Variants in MINPP1 observed in about 807,000 individuals in gnomAD.
MINPP1 encodes the protein multiple inositol-polyphosphate phosphatase 1.
MINPP1 carries 28 observed loss-of-function variants against 46.1 expected under a neutral mutation model. The ratio of observed to expected loss-of-function variants is 0.61; its 90% CI spans 0.45 to 0.83. The LOEUF (loss-of-function observed/expected upper bound fraction) is 0.83, where lower values mean the gene tolerates loss of function less well. Among genes scored for constraint, MINPP1 ranks in the 40% least tolerant of loss-of-function variants. The probability of loss-of-function intolerance (pLI) is 0.00; values close to 1 mark genes in which losing one functional copy is unlikely to be tolerated. For missense variants in MINPP1, 603 were observed against 610.0 expected (o/e 0.99, Z 0.12); for synonymous variants, 268 against 249.1 (o/e 1.08, Z -0.72).
intron 4 of MINPP1, among the ~76,000 whole-genome samples, chr10:87,541,954 A>G (rs1554853781): frequency 6.6e-6 from 1 of 152,158 alleles, no homozygotes; most frequent in Non-Finnish European, 1.5e-5. Context: ...GGAGGGGACA[A>G]ACATCCAAAC....
intron 4 of MINPP1, among the ~76,000 whole-genome samples, chr10:87,528,355 A>T (rs1851608412): frequency 6.6e-6 from 1 of 152,134 alleles, no homozygotes; most frequent in South Asian, 2.1e-4. Flanking sequence ...TAGTGCTATA[A>T]ATTTCCCTGT....
At position 87,505,709 on chromosome 10, in the gene MINPP1, G is replaced by C. The variant is rs908909244; in HGVS notation, c.637+157G>C. Among the ~76,000 whole-genome samples, 2 of 152,174 alleles carry C rather than the reference G, an allele frequency of 1.3e-5. No individual in the cohort carries two copies. Among genetic ancestry groups the C allele is most frequent in the African/African-American group, 4.8e-5 (2 of 41,440 alleles). ...TCGGGCTACGTCCTCCCTGTCGAGGGATATTACAGACTTGGCTATCTCTTT... is the reference window on the plus strand; with the variant it reads ...TCGGGCTACGTCCTCCCTGTCGAGGCATATTACAGACTTGGCTATCTCTTT... On this transcript the variant is annotated intron_variant, in intron 1 of 4. Coordinates refer to ENST00000371996, the MANE Select transcript of MINPP1 (RefSeq NM_004897.5). The surrounding 1 kb of genome is among the most constrained non-coding windows in gnomAD (Gnocchi z 4.4).
At chr10:87,538,758 T>C (rs1851773311) in intron 4 of MINPP1, among the ~76,000 whole-genome samples, 2 of 152,248 alleles carry the variant, frequency 1.3e-5, no homozygotes, top group African/African-American at 4.8e-5. Flanking sequence ...ATGGGAATTA[T>C]ATGAGTTGTG....
intron 1 of MINPP1, 52 bp from the exon 2 acceptor site, chr10:87,508,284 T>C (rs779031027): frequency 4.4e-6 from 7 of 1,599,108 alleles, no homozygotes; most frequent in Non-Finnish European, 6.0e-6. Flanking sequence ...AATTTGAAAC[T>C]GTCATTTATG....
chr10:87,518,573 A>G (rs1289598639), intron 3 of MINPP1, among the ~76,000 whole-genome samples: 2 of 151,836 alleles, frequency 1.3e-5, no homozygotes, highest in African/African-American at 2.4e-5. Context: ...CAAGCAGGAG[A>G]CACCAGCTGG....
At chr10:87,535,513 A>G (rs1851721198) in intron 4 of MINPP1, among the ~76,000 whole-genome samples, 1 of 152,226 alleles carries the variant, frequency 6.6e-6, no homozygotes, top group African/African-American at 2.4e-5. Flanking sequence ...GGGAATGAAA[A>G]TGTAAAATGC....
chr10:87,511,798 G>A (rs1470724212), intron 2 of MINPP1, among the ~76,000 whole-genome samples: 1 of 152,002 alleles, frequency 6.6e-6, no homozygotes, highest in African/African-American at 2.4e-5. Flanking sequence ...TTAGAGCTTC[G>A]AGTGTAAATA....
chr10:87,508,295 T>C (rs1851283861), intron 1 of MINPP1, 41 bp from the exon 2 acceptor site: 2 of 1,601,220 alleles, frequency 1.2e-6, no homozygotes, highest in East Asian at 4.5e-5. Flanking sequence ...GTCATTTATG[T>C]CAGTGATTTA....
chr10:87,527,633 A>G (rs538788084), intron 4 of MINPP1, among the ~76,000 whole-genome samples: 2 of 151,822 alleles, frequency 1.3e-5, no homozygotes, highest in East Asian at 3.9e-4. Flanking sequence ...CAACCTGATC[A>G]TGGTGGATAA....
At chr10:87,512,313 C>T (rs1047462814) in intron 2 of MINPP1, among the ~76,000 whole-genome samples, 2 of 152,082 alleles carry the variant, frequency 1.3e-5, no homozygotes, top group African/African-American at 4.8e-5. Flanking sequence ...AATCCACTTC[C>T]GAAATCATTT....
intron 4 of MINPP1, among the ~76,000 whole-genome samples, chr10:87,535,220 C>T (rs141365751): frequency 1.3e-5 from 2 of 152,298 alleles, no homozygotes; most frequent in Non-Finnish European, 2.9e-5. Flanking sequence ...AACTCAAATC[C>T]TTGTTCAGCG....
intron 4 of MINPP1, among the ~76,000 whole-genome samples, chr10:87,531,718 A>G (rs777880197): frequency 6.6e-5 from 10 of 152,310 alleles, no homozygotes; most frequent in African/African-American, 1.4e-4. Context: ...ACCTCCTGTG[A>G]TGGGTTGTAG....
At chr10:87,520,016 A>G (rs1238146496) in intron 3 of MINPP1, among the ~76,000 whole-genome samples, 1 of 150,688 alleles carries the variant, frequency 6.6e-6, no homozygotes, top group Admixed American at 6.6e-5. Flanking sequence ...CGTTTTCTAT[A>G]CTTTTATAAT....
At chr10:87,520,847 A>G (rs533898675) in intron 3 of MINPP1, among the ~76,000 whole-genome samples, 189 bp from the exon 4 acceptor site, 4 of 152,208 alleles carry the variant, frequency 2.6e-5, no homozygotes, top group Middle Eastern at 3.4e-3. Flanking sequence ...CAAATTTGTG[A>G]TGCAGCATAA....
At chr10:87,550,324 C>G (rs866347789) in intron 4 of MINPP1, among the ~76,000 whole-genome samples, 1 of 152,118 alleles carries the variant, frequency 6.6e-6, no homozygotes, top group Non-Finnish European at 1.5e-5. Context: ...GAAATAAATA[C>G]AGGTTTTAGG....
chr10:87,541,194 A>G (rs1425145503), intron 4 of MINPP1, among the ~76,000 whole-genome samples: 2 of 152,252 alleles, frequency 1.3e-5, no homozygotes, highest in East Asian at 1.9e-4. Context: ...GAAGGATTAT[A>G]TATTAGCTCT....
At chr10:87,548,574 T>A (rs1416652774) in intron 4 of MINPP1, among the ~76,000 whole-genome samples, 1 of 152,168 alleles carries the variant, frequency 6.6e-6, no homozygotes, top group Non-Finnish European at 1.5e-5. Context: ...AAAAAATAAT[T>A]ATTATGAATG....
At chr10:87,512,045 A>G (rs1287192484) in intron 2 of MINPP1, among the ~76,000 whole-genome samples, 3 of 152,184 alleles carry the variant, frequency 2.0e-5, no homozygotes, top group Non-Finnish European at 4.4e-5. Context: ...CTTTAGGAAA[A>G]CAGGAAAGGC....
At position 87,552,205 on chromosome 10, in the gene MINPP1, A is replaced by G; in HGVS notation, c.1191A>G (p.Lys397=). 2 of 1,613,854 alleles carry G rather than the reference A, an allele frequency of 1.2e-6. No homozygotes were observed. Among genetic ancestry groups the G allele is most frequent in the Non-Finnish European group, 8.5e-7 (1 of 1,179,828 alleles). ...CCCTAACAGCGTACAATTACAAAAA[A>G]CAAATGCATCGGAAGTTCCGAAGTG... ...KEPLTAYNYK[K]QMHRKFRSGL... Residue 397 remains lysine (K), a synonymous_variant, in exon 5 of 5, where the codon AAA becomes AAG. Transcript: ENST00000371996.
Sources: gnomAD v4.1 joint callset for allele counts (sites outside exome capture counted in the v4.1 genomes callset) on GRCh38, gnomAD v4.1.1 for gene constraint, Gnocchi (gnomAD v3.1) non-coding constraint, MANE v1.5 for transcripts, NCBI Gene and HGNC (gene_info 2026-07-23, HGNC 2026-07-21) for gene names.